The following TRABD2B variants were observed in gnomAD, a reference collection of about 807,000 sequenced individuals.
The protein encoded by TRABD2B is metalloprotease TIKI2.
In TRABD2B, 14 loss-of-function variants were observed where a neutral mutation model predicts 40.1. The ratio of observed to expected loss-of-function variants is 0.35; its 90% CI spans 0.23 to 0.55. The LOEUF (loss-of-function observed/expected upper bound fraction) is 0.55, where lower values mean the gene tolerates loss of function less well. TRABD2B is among the 20% of genes least tolerant of loss of function. TRABD2B has a pLI of 0.90. For missense variants in TRABD2B, 541 were observed against 648.6 expected (o/e 0.83, Z 1.80); for synonymous variants, 263 against 277.0 (o/e 0.95, Z 0.50).
intron 2 of TRABD2B, among the ~76,000 whole-genome samples, chr1:47,932,125 G>C (rs555742335): frequency 6.6e-6 from 1 of 152,302 alleles, no homozygotes; most frequent in East Asian, 1.9e-4. Context: ...CATCCAAGAA[G>C]AGTTGCAGAG....
intron 2 of TRABD2B, among the ~76,000 whole-genome samples, chr1:47,987,190 A>C (rs777572041): frequency 3.0e-4 from 45 of 152,194 alleles, no homozygotes; most frequent in Admixed American, 1.2e-3. Flanking sequence ...CTGGGATTGG[A>C]GAGCGGGTTG....
chr1:47,913,279 G>GTGCT (rs1644787044), intron 2 of TRABD2B, among the ~76,000 whole-genome samples: 2 of 152,292 alleles, frequency 1.3e-5, no homozygotes, highest in Admixed American at 6.5e-5. Context: ...TGGGCACTGG[G>GTGCT]TGCTGCCTTT....
Position 47,996,665 on chromosome 1 carries a change from T to C in TRABD2B, c.102+23A>G. 8.2e-7 allele frequency: 1 copy of C among 1,226,992 alleles called. No homozygotes were observed. 76.0% of individuals were successfully genotyped at this position (1,226,992 alleles called of 1,614,324 possible). On this transcript the variant is annotated intron_variant, in intron 1 of 6. Coordinates refer to ENST00000606738, the MANE Select transcript of TRABD2B (RefSeq NM_001194986.2). This position sits in a 1 kb window ranked among gnomAD's most constrained non-coding sequence, Gnocchi z 4.6. Reference sequence around the variant, plus strand: ...TAGAATACCCAGGCAGGCGGGAGAGTGGCCGGGCAGGCGCTCGCTCACCGA... The same window carrying C: ...TAGAATACCCAGGCAGGCGGGAGAGCGGCCGGGCAGGCGCTCGCTCACCGA...
intron 2 of TRABD2B, among the ~76,000 whole-genome samples, chr1:47,918,651 A>T (rs960979134): frequency 7.9e-5 from 12 of 152,074 alleles, no homozygotes; most frequent in Non-Finnish European, 1.0e-4. Flanking sequence ...CTGTGCACCC[A>T]GATAATAATC....
chr1:47,787,775 T>C (rs1342117388), intron 4 of TRABD2B, among the ~76,000 whole-genome samples: 1 of 147,474 alleles, frequency 6.8e-6, no homozygotes, highest in Non-Finnish European at 1.5e-5. Context: ...GGTTGGTGCA[T>C]TCATTCATTC....
chr1:47,916,785 T>A (rs1644835623), intron 2 of TRABD2B, among the ~76,000 whole-genome samples: 1 of 152,206 alleles, frequency 6.6e-6, no homozygotes, highest in Admixed American at 6.5e-5. Context: ...CCTTCTCTAT[T>A]CAAACCCACT....
intron 6 of TRABD2B, among the ~76,000 whole-genome samples, chr1:47,768,935 GC>G (rs1644341886): frequency 1.3e-5 from 2 of 152,186 alleles, no homozygotes; most frequent in Non-Finnish European, 2.9e-5. Context: ...TGTCTCCCCA[GC>G]CTGAGACAGG....
At chr1:47,956,590 A>G (rs1645426615) in intron 2 of TRABD2B, among the ~76,000 whole-genome samples, 1 of 152,242 alleles carries the variant, frequency 6.6e-6, no homozygotes, top group Non-Finnish European at 1.5e-5. Flanking sequence ...TCCCATGCCC[A>G]TAGGGCCTTG....
intron 2 of TRABD2B, among the ~76,000 whole-genome samples, chr1:47,953,544 A>G (rs572240716): frequency 7.2e-5 from 11 of 152,286 alleles, no homozygotes; most frequent in African/African-American, 2.6e-4. Context: ...TCTCCTACTT[A>G]CAGAGGCCTC....
chr1:47,813,756 G>A lies in TRABD2B; in HGVS notation c.667-12137C>T, dbSNP rs894635301. On this transcript the variant is annotated intron_variant, in intron 2 of 6. Coordinates refer to ENST00000606738, the MANE Select transcript of TRABD2B (RefSeq NM_001194986.2). This position sits in a 1 kb window ranked among gnomAD's most constrained non-coding sequence, Gnocchi z 4.3. The stretch of plus-strand genomic sequence containing the variant: ...CTAAGCACCGGGGTGGGTCCCAGTT[G>A]CAGGAGGTGTTCTGAAGAGAGGCTG... Among the ~76,000 whole-genome samples the A allele has an allele frequency of 6.6e-6, 1 of 152,184 alleles. No homozygotes were observed. The highest frequency in any genetic ancestry group is 2.1e-4 in the South Asian group (1 of 4,826).
chr1:47,965,246 G>A (rs1392729597), intron 2 of TRABD2B, among the ~76,000 whole-genome samples: 2 of 136,582 alleles, frequency 1.5e-5, no homozygotes, highest in Non-Finnish European at 3.2e-5. Flanking sequence ...TGGGGAGGTG[G>A]GGGGAAAGTT....
chr1:47,772,780 C>T (rs1445037560), intron 6 of TRABD2B, among the ~76,000 whole-genome samples: 4 of 152,156 alleles, frequency 2.6e-5, no homozygotes, highest in Non-Finnish European at 5.9e-5. Context: ...GGAGGCTGTG[C>T]CCTGCACCTG....
At chr1:47,861,791 CCAGA>C (rs1643976528) in intron 2 of TRABD2B, among the ~76,000 whole-genome samples, 1 of 152,082 alleles carries the variant, frequency 6.6e-6, no homozygotes, top group Non-Finnish European at 1.5e-5. Context: ...CAACCTCAAA[CCAGA>C]CAAAGACATT....
intron 4 of TRABD2B, among the ~76,000 whole-genome samples, chr1:47,782,849 C>T (rs191545303): frequency 3.9e-5 from 6 of 152,336 alleles, no homozygotes; most frequent in Admixed American, 1.3e-4. Flanking sequence ...TCCAAAGGGG[C>T]CCCACGATGT....
At chr1:47,843,874 C>G (rs955953817) in intron 2 of TRABD2B, among the ~76,000 whole-genome samples, 1 of 152,188 alleles carries the variant, frequency 6.6e-6, no homozygotes, top group African/African-American at 2.4e-5. Context: ...GGTAGTTTAT[C>G]CCCTCCCAAG....
chr1:47,958,185 G>T (rs1172615118), intron 2 of TRABD2B, among the ~76,000 whole-genome samples: 1 of 148,034 alleles, frequency 6.8e-6, no homozygotes, highest in Middle Eastern at 3.2e-3. Flanking sequence ...CACCAGGCCT[G>T]CCTTACAAGA....
intron 2 of TRABD2B, among the ~76,000 whole-genome samples, chr1:47,882,181 T>C (rs967030196): frequency 6.6e-6 from 1 of 152,226 alleles, no homozygotes; most frequent in Non-Finnish European, 1.5e-5. Context: ...CCATTCCTTA[T>C]GTAAACACCA....
chr1:47,937,090 C>G (rs1386731234), intron 2 of TRABD2B, among the ~76,000 whole-genome samples: 1 of 142,022 alleles, frequency 7.0e-6, no homozygotes, highest in Non-Finnish European at 1.5e-5. Flanking sequence ...ATCACCACTA[C>G]CATGATCATC....
chr1:47,786,916 G>A (rs191687511), intron 4 of TRABD2B, among the ~76,000 whole-genome samples: 3 of 152,248 alleles, frequency 2.0e-5, no homozygotes, highest in Admixed American at 2.0e-4. Flanking sequence ...TATTGCCCAG[G>A]CTGGTCTCAA....
Sources: gnomAD v4.1 joint callset for allele counts (sites outside exome capture counted in the v4.1 genomes callset) on GRCh38, gnomAD v4.1.1 for gene constraint, Gnocchi (gnomAD v3.1) non-coding constraint, MANE v1.5 for transcripts, NCBI Gene and HGNC (gene_info 2026-07-23, HGNC 2026-07-21) for gene names.